The following ELOB variants were observed in gnomAD, a reference collection of about 807,000 sequenced individuals.
The protein encoded by ELOB is elongin-B.
In ELOB, 3 loss-of-function variants were observed where a neutral mutation model predicts 12.9. That is an observed-to-expected ratio of 0.23 (90% CI 0.11 to 0.60). ELOB has a LOEUF of 0.60. Among genes scored for constraint, ELOB ranks in the 20% least tolerant of loss-of-function variants. The pLI is 0.89. For synonymous variants in ELOB, 84 were observed against 67.4 expected, an observed-to-expected ratio of 1.25 and a Z score of -1.21; for missense variants, 126 against 159.2, an observed-to-expected ratio of 0.79 and a Z score of 1.12.
rs1432660890 is a variant in ELOB at position 2,777,102 on chromosome 16, T to C, written c.29A>G (p.His10Arg). MDVFLMIRRHKTTIFTDAKE... is the reference protein window; with the variant it reads MDVFLMIRRRKTTIFTDAKE... ...GGCGTCCGTGAAGATGGTGGTCTTG[T>C]GGCGCCGGATCATGAGGAACACGTC... The change falls in exon 2 of 4, where the codon CAC becomes CGC. Residue 10 changes from histidine to arginine, a missense_variant. His to Arg is a conservative substitution (Grantham distance 29). Coordinates refer to ENST00000409906, the MANE Select transcript of ELOB (RefSeq NM_007108.4). 6.3e-7 allele frequency: 1 copy of C among 1,585,974 alleles called. No individual in the cohort carries two copies. The highest frequency in any genetic ancestry group is 1.7e-5 in the Admixed American group (1 of 58,610).
chr16:2,773,570 G>A (rs181769615), intron 3 of ELOB, among the ~76,000 whole-genome samples: 32 of 152,282 alleles, frequency 2.1e-4, no homozygotes, highest in East Asian at 1.9e-4. Flanking sequence ...ACATGATGAT[G>A]GGTTGAGCTG....
At chr16:2,772,751 T>C (rs1238313185) in intron 3 of ELOB, among the ~76,000 whole-genome samples, 2 of 151,824 alleles carry the variant, frequency 1.3e-5, no homozygotes, top group African/African-American at 4.8e-5. Context: ...CCTCCCCTGC[T>C]GAAAACCATC....
At chr16:2,772,270 G>A (rs555538601) in intron 3 of ELOB, 168 bp from the exon 4 acceptor site, 2 of 766,680 alleles carry the variant, frequency 2.6e-6, no homozygotes, top group South Asian at 2.5e-5. Flanking sequence ...CTACCCCCGT[G>A]GCCCCACGGT....
Position 2,771,883 on chromosome 16 carries a change from G to A in ELOB, c.*107C>T. On this transcript the variant is annotated 3_prime_UTR_variant, in exon 4 of 4. Coordinates refer to ENST00000409906, the MANE Select transcript of ELOB (RefSeq NM_007108.4). ...CTGCCAAGCACAAGCCCCAAAAGGA[G>A]CCCACAGGGAGTGGGACCCATCCCA... 1 of 1,479,910 alleles carries A rather than the reference G, an allele frequency of 6.8e-7. No homozygotes were observed. 91.7% of individuals were successfully genotyped at this position (1,479,910 alleles called of 1,614,324 possible).
At chr16:2,773,099 T>G (rs890328378) in intron 3 of ELOB, among the ~76,000 whole-genome samples, 3 of 152,118 alleles carry the variant, frequency 2.0e-5, no homozygotes, top group African/African-American at 7.2e-5. Flanking sequence ...GTCCCTACTG[T>G]CACCCCAACA....
rs139350354 is a variant in ELOB at position 2,771,948 on chromosome 16, C to A, written c.*42G>T. On this transcript the variant is annotated 3_prime_UTR_variant, in exon 4 of 4. Transcript: ENST00000409906. ...AAAGAGGCAGCAACCAGGCAGACTCCCAAATCTCTTTTATTGGGGGAAATG... is the reference window on the plus strand; with the variant it reads ...AAAGAGGCAGCAACCAGGCAGACTCACAAATCTCTTTTATTGGGGGAAATG... 237 of 1,591,612 alleles carry A rather than the reference C, an allele frequency of 1.5e-4. No homozygotes were observed. The East Asian group carries it at 5.1e-3, about 34-fold the overall frequency.
At position 2,771,620 on chromosome 16, in the gene ELOB, G is replaced by A. The variant is rs771282800; in HGVS notation, c.*370C>T. ...GACATGCAGGCTATGGGGGTGGGGG[G>A]CACTTAGAAGGAGAAAGGCCTAAAA... On this transcript the variant is annotated 3_prime_UTR_variant, in exon 4 of 4. Coordinates refer to ENST00000409906, the MANE Select transcript of ELOB (RefSeq NM_007108.4). The A allele has an allele frequency of 6.8e-6, 11 of 1,613,812 alleles. No homozygotes were observed. Among genetic ancestry groups the A allele is most frequent in the South Asian group, 4.4e-5 (4 of 91,068 alleles).
chr16:2,776,980 C>T lies in ELOB; in HGVS notation c.138+13G>A. The T allele has an allele frequency of 3.8e-6, 6 of 1,559,258 alleles. No individual in the cohort carries two copies. The highest frequency in any genetic ancestry group is 4.3e-6 in the Non-Finnish European group (5 of 1,153,408). ...CGGGTACCCGCTCCCCTCGGCCCGC[C>T]CGCGGGACCCACCTTGTACAGCCGC... is the stretch of plus-strand genomic sequence containing the variant. On this transcript the variant is annotated intron_variant, in intron 2 of 3. Transcript: ENST00000409906.
In ELOB at chr16:2,771,467, C is replaced by T. The variant is rs772677442; in HGVS notation, c.*523G>A. 6.3e-5 allele frequency: 101 copies of T among 1,614,070 alleles called. No individual in the cohort carries two copies. The highest frequency in any genetic ancestry group is 4.8e-4 in the South Asian group (44 of 91,090). On this transcript the variant is annotated 3_prime_UTR_variant, in exon 4 of 4. Transcript: ENST00000409906. Reference sequence around the variant, plus strand: ...TGTTAAGGGGGCAGCCACTTCCCTCCGTGATTACAGCCCCCAGCGTGGGTG... The same window carrying T: ...TGTTAAGGGGGCAGCCACTTCCCTCTGTGATTACAGCCCCCAGCGTGGGTG...
chr16:2,771,836 G>C lies in ELOB; in HGVS notation c.*154C>G. 6.9e-7 allele frequency: 1 copy of C among 1,453,364 alleles called. No homozygotes were observed. The highest frequency in any genetic ancestry group is 9.0e-7 in the Non-Finnish European group (1 of 1,105,996). 90.0% of individuals were successfully genotyped at this position (1,453,364 alleles called of 1,614,324 possible). ...GTTCTCAGCCAGGGTCTCAGGATCT[G>C]GGAGACAGGACAGCACAGGAACTGC... On this transcript the variant is annotated 3_prime_UTR_variant, in exon 4 of 4. Coordinates refer to ENST00000409906, the MANE Select transcript of ELOB (RefSeq NM_007108.4).
chr16:2,771,482 C>T lies in ELOB; in HGVS notation c.*508G>A, dbSNP rs1040849647. 1 of 1,614,226 alleles carries T rather than the reference C, an allele frequency of 6.2e-7. No homozygotes were observed. Among genetic ancestry groups the T allele is most frequent in the Non-Finnish European group, 8.5e-7 (1 of 1,180,042 alleles). ...CACTTCCCTCCGTGATTACAGCCCC[C>T]AGCGTGGGTGGACCTGTGTGGGTCC... On this transcript the variant is annotated 3_prime_UTR_variant, in exon 4 of 4. Coordinates refer to ENST00000409906, the MANE Select transcript of ELOB (RefSeq NM_007108.4).
At chr16:2,775,387 C>A in intron 3 of ELOB, 64 bp downstream of exon 3, 1 of 1,265,562 alleles carries the variant, frequency 7.9e-7, no homozygotes, top group East Asian at 2.4e-5. Flanking sequence ...TGATGACCTT[C>A]TTTGGAACAG....
chr16:2,775,174 G>C (rs2068791588), intron 3 of ELOB, among the ~76,000 whole-genome samples: 1 of 151,452 alleles, frequency 6.6e-6, no homozygotes, highest in African/African-American at 2.4e-5. Context: ...GTAACATGCA[G>C]AGCACGGAGC....
intron 3 of ELOB, among the ~76,000 whole-genome samples, chr16:2,774,677 T>C (rs768336133): frequency 2.6e-5 from 4 of 152,236 alleles, no homozygotes; most frequent in Non-Finnish European, 4.4e-5. Context: ...GGTCCACAGC[T>C]GTGAAAACAC....
In ELOB at chr16:2,772,248, T is replaced by C. The variant is rs930474133; in HGVS notation, c.245-146A>G. ...GGCTGTAGTCTCCACAGCGCTGACCTCCCTGTTCCAGCTACCCCCGTGGCC... is the reference window on the plus strand; with the variant it reads ...GGCTGTAGTCTCCACAGCGCTGACCCCCCTGTTCCAGCTACCCCCGTGGCC... On this transcript the variant is annotated intron_variant, in intron 3 of 3. Coordinates refer to ENST00000409906, the MANE Select transcript of ELOB (RefSeq NM_007108.4). 3.9e-5 allele frequency: 37 copies of C among 959,842 alleles called. No homozygotes were observed. In the East Asian group the frequency reaches 9.2e-4, roughly 24 times the overall value. 59.5% of individuals were successfully genotyped at this position (959,842 alleles called of 1,614,324 possible).
chr16:2,771,569 C>T lies in ELOB; in HGVS notation c.*421G>A, dbSNP rs2068748986. 6.2e-7 allele frequency: 1 copy of T among 1,614,030 alleles called. No individual in the cohort carries two copies. ...AGGACACTGGCTCCAGCTTGTGTTT[C>T]TGCTCTTGGCCATCGTCTGGGAGTG... On this transcript the variant is annotated 3_prime_UTR_variant, in exon 4 of 4. Transcript: ENST00000409906.
Position 2,771,452 on chromosome 16 carries a change from G to A in ELOB, c.*538C>T, listed in dbSNP as rs764338557. On this transcript the variant is annotated 3_prime_UTR_variant, in exon 4 of 4. Coordinates refer to ENST00000409906, the MANE Select transcript of ELOB (RefSeq NM_007108.4). ...TGTTTATTAAAGGTGTGTTAAGGGG[G>A]CAGCCACTTCCCTCCGTGATTACAG... The A allele has an allele frequency of 6.2e-7, 1 of 1,613,944 alleles. No individual in the cohort carries two copies. The highest frequency in any genetic ancestry group is 8.5e-7 in the Non-Finnish European group (1 of 1,179,978).
At chr16:2,777,176 G>A in intron 1 of ELOB, 49 bp from the exon 2 acceptor site, 3 of 1,040,492 alleles carry the variant, frequency 2.9e-6, no homozygotes, top group Non-Finnish European at 3.5e-6. Context: ...CCCCCGCGCG[G>A]CCCAGCCGCC....
Position 2,777,108 on chromosome 16 carries a change from C to T in ELOB, c.23G>A (p.Arg8Gln), listed in dbSNP as rs148522364. The change falls in exon 2 of 4, where the codon CGG becomes CAG. Residue 8 changes from arginine to glutamine, a missense_variant. Transcript: ENST00000409906. MDVFLMI[R>Q]RHKTTIFTDA... is the part of the protein sequence containing the mutation. ...CGTGAAGATGGTGGTCTTGTGGCGC[C>T]GGATCATGAGGAACACGTCCTGGGG... The T allele has an allele frequency of 1.3e-5, 20 of 1,586,504 alleles. No homozygotes were observed. The highest frequency in any genetic ancestry group is 1.6e-5 in the Non-Finnish European group (19 of 1,168,274).
Sources: allele counts gnomAD v4.1 joint callset (sites outside exome capture counted in the v4.1 genomes callset), GRCh38; gene constraint gnomAD v4.1.1; transcripts MANE v1.5; gene names NCBI Gene and HGNC (gene_info 2026-07-23, HGNC 2026-07-21).